ARHGEF17: variants seen among roughly 807,000 people sequenced by gnomAD.
The protein encoded by ARHGEF17 is Rho guanine nucleotide exchange factor 17, also known as 164 kDa Rho-specific guanine-nucleotide exchange factor.
Under a neutral mutation model 174.0 loss-of-function variants are expected in ARHGEF17, and 80 were observed. That is an observed-to-expected ratio of 0.46 (90% confidence interval 0.38 to 0.55). The LOEUF (loss-of-function observed/expected upper bound fraction) is 0.55, where lower values mean the gene tolerates loss of function less well. Among genes scored for constraint, ARHGEF17 ranks in the 20% least tolerant of loss-of-function variants. The pLI, the probability that ARHGEF17 is intolerant of heterozygous loss-of-function variation, is 0.00. For missense variants in ARHGEF17, 2,886 were observed against 2,839.7 expected, an observed-to-expected ratio of 1.02 and a Z score of -0.37; for synonymous variants, 1,311 against 1,189.1, an observed-to-expected ratio of 1.10 and a Z score of -2.11.
At chr11:73,325,519 G>A (rs7113420) in intron 1 of ARHGEF17, among the ~76,000 whole-genome samples, 11,632 of 152,218 alleles carry the variant, frequency 0.076, 1,428 homozygotes, top group African/African-American at 0.26. Flanking sequence ...CAAAGCTTGA[G>A]GAGCATCGCA....
chr11:73,319,531 A>G (rs1348854589), intron 1 of ARHGEF17, among the ~76,000 whole-genome samples: 1 of 152,210 alleles, frequency 6.6e-6, no homozygotes, highest in Non-Finnish European at 1.5e-5. Flanking sequence ...ATGTAATGCC[A>G]GGGCCATTAT....
Position 73,308,941 on chromosome 11 carries a change from C to G in ARHGEF17, c.303C>G (p.Thr101=). The G allele has an allele frequency of 1.5e-6, 2 of 1,364,106 alleles. No homozygotes were observed. The highest frequency in any genetic ancestry group is 1.9e-6 in the Non-Finnish European group (2 of 1,064,712). The allele number at this position is 1,364,106 out of a possible 1,614,324, so 84.5% of individuals were successfully genotyped here. The part of the protein sequence containing the change: ...APRLDDGSAG[T]RDGGVLPAAA... ...GTCTGGACGACGGCTCCGCTGGGAC[C>G]CGAGACGGAGGCGTCTTACCCGCGG... is the stretch of plus-strand genomic sequence containing the variant. Residue 101 remains threonine, a synonymous_variant, in exon 1 of 21, where the codon ACC becomes ACG. Coordinates refer to ENST00000263674, the MANE Select transcript of ARHGEF17 (RefSeq NM_014786.4).
In ARHGEF17 at chr11:73,361,247, C is replaced by T. The variant is rs541094196; in HGVS notation, c.4494+86C>T. 20 of 1,235,404 alleles carry T rather than the reference C, an allele frequency of 1.6e-5. No individual in the cohort carries two copies. In the East Asian group the frequency reaches 4.7e-4, roughly 29 times the overall value. The allele number at this position is 1,235,404 out of a possible 1,614,324, so 76.5% of individuals were successfully genotyped here. On this transcript the variant is annotated intron_variant, in intron 12 of 20. Transcript: ENST00000263674. Reference sequence around the variant, plus strand: ...TTTTGTGTACGACATTGTGTATATGCCGTGAACATTGCTATTGCTCCTTAT... The same window carrying T: ...TTTTGTGTACGACATTGTGTATATGTCGTGAACATTGCTATTGCTCCTTAT...
At chr11:73,344,813 G>A (rs1023610468) in intron 1 of ARHGEF17, among the ~76,000 whole-genome samples, 5 of 152,238 alleles carry the variant, frequency 3.3e-5, no homozygotes, top group South Asian at 2.1e-4. Flanking sequence ...CCTGTGGCCC[G>A]TGGCTGCCCA....
In ARHGEF17 at chr11:73,311,570, G is replaced by C; in HGVS notation, c.2932G>C (p.Val978Leu). 6.2e-7 allele frequency: 1 copy of C among 1,613,648 alleles called. No individual in the cohort carries two copies. The highest frequency in any genetic ancestry group is 8.5e-7 in the Non-Finnish European group (1 of 1,180,040). Residue 978 changes from valine (V) to leucine (L), a missense_variant, in exon 1 of 21, where the codon GTT (valine) becomes CTT (leucine). Physicochemically the swap from Val to Leu is conservative, Grantham distance 32. This residue lies in a region of ARHGEF17 where 1,728 missense variants were observed against 1,461.2 expected (regional missense o/e 1.18). Coordinates refer to ENST00000263674, the MANE Select transcript of ARHGEF17 (RefSeq NM_014786.4). Reference protein sequence around the residue: ...PIVVPEPPTSVGPPVAVPEPI... With the variant: ...PIVVPEPPTSLGPPVAVPEPI... ...TGTGGTGCCTGAGCCACCAACTTCTGTTGGTCCCCCTGTGGCTGTGCCAGA... is the reference window on the plus strand; with the variant it reads ...TGTGGTGCCTGAGCCACCAACTTCTCTTGGTCCCCCTGTGGCTGTGCCAGA...
At position 73,310,775 on chromosome 11, in the gene ARHGEF17, C is replaced by A. The variant is rs373850527; in HGVS notation, c.2137C>A (p.Pro713Thr). Residue 713 changes from proline (P) to threonine (T), a missense_variant, in exon 1 of 21, where the codon CCA (proline) becomes ACA (threonine). Transcript: ENST00000263674. ...TGCCCTCCGCCGACGACGCAAAGTC[C>A]CACCTTCAGGTTCTGGTGGGAGCGA... ...PGALRRRRKVPPSGSGGSELS... is the reference protein window; with the variant it reads ...PGALRRRRKVTPSGSGGSELS... The A allele has an allele frequency of 7.4e-6, 12 of 1,611,816 alleles. No homozygotes were observed. The African/African-American group carries it at 1.5e-4, about 20-fold the overall frequency.
intron 7 of ARHGEF17, 37 bp downstream of exon 7, chr11:73,356,796 CCTCCTCACTTTGTCCTCTCTTCTG>C (rs1281417373): frequency 1.2e-6 from 2 of 1,613,640 alleles, no homozygotes; most frequent in Non-Finnish European, 1.7e-6. Flanking sequence ...GCTGTCCCCA[CCTCCTCACTTTGTCCTCTCTTCTG>C]CTCACACCCT....
intron 1 of ARHGEF17, among the ~76,000 whole-genome samples, chr11:73,345,361 G>C (rs951375583): frequency 6.6e-6 from 1 of 152,036 alleles, no homozygotes; most frequent in Non-Finnish European, 1.5e-5. Flanking sequence ...TGCCCCAAGG[G>C]GTGTCCTTCA....
In ARHGEF17 at chr11:73,365,633, C is replaced by A. The variant is rs759980639; in HGVS notation, c.5726-45C>A. On this transcript the variant is annotated intron_variant, in intron 19 of 20. Transcript: ENST00000263674. This position sits in a 1 kb window ranked among gnomAD's most constrained non-coding sequence, Gnocchi z 4.9. ...TGCCCGATCGTAGAGGCGGCTGAGC[C>A]AGGGCCAGAATTCAGCCCCAGCTGT... is the stretch of plus-strand genomic sequence containing the variant. The A allele has an allele frequency of 1.2e-6, 2 of 1,607,604 alleles. No homozygotes were observed. The highest frequency in any genetic ancestry group is 2.7e-5 in the African/African-American group (2 of 74,826).
At chr11:73,335,522 G>C (rs939418504) in intron 1 of ARHGEF17, among the ~76,000 whole-genome samples, 1 of 152,002 alleles carries the variant, frequency 6.6e-6, no homozygotes, top group African/African-American at 2.4e-5. Context: ...TGGGAGGGAG[G>C]GGGGCGGATC....
In ARHGEF17 at chr11:73,355,639, A is replaced by G; in HGVS notation, c.3560A>G (p.Lys1187Arg). 1 of 1,613,872 alleles carries G rather than the reference A, an allele frequency of 6.2e-7. No individual in the cohort carries two copies. The highest frequency in any genetic ancestry group is 8.5e-7 in the Non-Finnish European group (1 of 1,179,750). Reference protein sequence around the residue: ...VAKEARPAFLKFLEQSMRENK... With the variant: ...VAKEARPAFLRFLEQSMRENK... ...AAGGAGGCGAGGCCTGCCTTTCTCA[A>G]GTTCCTAGAGGTACTGTGGGCTAGG... The change falls in exon 4 of 21, where the codon AAG becomes AGG. Residue 1187 changes from lysine (K) to arginine (R), a missense_variant. Coordinates refer to ENST00000263674, the MANE Select transcript of ARHGEF17 (RefSeq NM_014786.4).
chr11:73,358,794 A>G (rs927022728), intron 9 of ARHGEF17, among the ~76,000 whole-genome samples: 51 of 152,076 alleles, frequency 3.4e-4, no homozygotes, highest in African/African-American at 1.0e-3. Context: ...CACACTCAGG[A>G]TTCGATTTCA....
In ARHGEF17 at chr11:73,310,371, C is replaced by T. The variant is rs1864799712; in HGVS notation, c.1733C>T (p.Ala578Val). 3.1e-6 allele frequency: 5 copies of T among 1,613,876 alleles called. No individual in the cohort carries two copies. Among genetic ancestry groups the T allele is most frequent in the Middle Eastern group, 1.6e-4 (1 of 6,062 alleles). Residue 578 changes from alanine to valine, a missense_variant, in exon 1 of 21, where the codon GCC (alanine) becomes GTC (valine). Physicochemically the swap from Ala to Val is moderately conservative, Grantham distance 64. Coordinates refer to ENST00000263674, the MANE Select transcript of ARHGEF17 (RefSeq NM_014786.4). Reference sequence around the variant, plus strand: ...GAGCTCCTGCTCACAGGCCCTGGTGCCGAGGAGGATCCGCTGCCCCTCATC... The same window carrying T: ...GAGCTCCTGCTCACAGGCCCTGGTGTCGAGGAGGATCCGCTGCCCCTCATC... ...SSELLLTGPGAEEDPLPLIVQ... is the reference protein window; with the variant it reads ...SSELLLTGPGVEEDPLPLIVQ...
At chr11:73,358,447 C>T (rs1865681948) in intron 9 of ARHGEF17, among the ~76,000 whole-genome samples, 1 of 149,472 alleles carries the variant, frequency 6.7e-6, no homozygotes, top group South Asian at 2.1e-4. Flanking sequence ...TCCCAAAGGT[C>T]CGCCTCTTTT....
At chr11:73,337,361 G>A (rs535681024) in intron 1 of ARHGEF17, among the ~76,000 whole-genome samples, 1 of 144,650 alleles carries the variant, frequency 6.9e-6, no homozygotes, top group Non-Finnish European at 1.5e-5. Flanking sequence ...GAGCTGTCAC[G>A]CCACTACACT....
At position 73,311,653 on chromosome 11, in the gene ARHGEF17, C is replaced by T. The variant is rs146315854; in HGVS notation, c.3015C>T (p.Asp1005=). Residue 1005 remains aspartate, a synonymous_variant, in exon 1 of 21, where the codon GAC becomes GAT. Transcript: ENST00000263674. ...HPTLQAPSLE[D]VTKQYMLNLH... is the part of the protein sequence containing the mutation. ...CGTTGCAGGCACCATCGCTCGAGGA[C>T]GTCACCAAGCAGTACATGCTGAACC... 1.5e-5 allele frequency: 24 copies of T among 1,613,268 alleles called. No homozygotes were observed. The highest frequency in any genetic ancestry group is 1.6e-4 in the Middle Eastern group (1 of 6,082).
intron 20 of ARHGEF17, among the ~76,000 whole-genome samples, chr11:73,367,023 CAA>C (rs2134425621): frequency 6.6e-6 from 1 of 151,938 alleles, no homozygotes; most frequent in South Asian, 2.1e-4. Context: ...GCCCAGGCAA[CAA>C]GAGCAAAATT....
At chr11:73,352,614 C>T (rs986853477) in intron 2 of ARHGEF17, among the ~76,000 whole-genome samples, 1 of 152,212 alleles carries the variant, frequency 6.6e-6, no homozygotes. Context: ...TCCTTGCTCC[C>T]ATCTTGTGCC....
In ARHGEF17 at chr11:73,347,098, G is replaced by A. The variant is rs1268169740; in HGVS notation, c.3270+138G>A. The A allele has an allele frequency of 1.3e-5, 11 of 861,598 alleles. No individual in the cohort carries two copies. In the Admixed American group the frequency reaches 2.2e-4, roughly 17 times the overall value. The allele number at this position is 861,598 out of a possible 1,614,324, so 53.4% of individuals were successfully genotyped here. A position where few individuals can be genotyped will look rare whatever the true frequency, so the allele number is the denominator to read the frequency against. ...TCCCTGGCATCCGTCGCCTTTCCAT[G>A]AAGAACCCCCAGCATGGCCATTCCA... is the stretch of plus-strand genomic sequence containing the variant. On this transcript the variant is annotated intron_variant, in intron 2 of 20. Transcript: ENST00000263674.
Sources: allele counts gnomAD v4.1 joint callset (sites outside exome capture counted in the v4.1 genomes callset), GRCh38; gene constraint gnomAD v4.1.1; regional missense constraint gnomAD v4.1.1; non-coding constraint Gnocchi (gnomAD v3.1); transcripts MANE v1.5; gene names NCBI Gene and HGNC (gene_info 2026-07-23, HGNC 2026-07-21).